The following TRDN variants were observed in gnomAD, a reference collection of about 807,000 sequenced individuals.
The protein encoded by TRDN is triadin in skeletal muscle.
TRDN carries 161 observed loss-of-function variants against 149.7 expected under a neutral mutation model. The ratio of observed to expected loss-of-function variants is 1.08; its 90% CI spans 0.95 to 1.23. The LOEUF (loss-of-function observed/expected upper bound fraction) is 1.23, where lower values mean the gene tolerates loss of function less well. Ranked by LOEUF, TRDN falls within the 50% of genes most tolerant of loss-of-function variation. The pLI is 0.00. For synonymous variants in TRDN, 294 were observed against 250.5 expected (o/e 1.17, Z -1.64); for missense variants, 896 against 823.5 (o/e 1.09, Z -1.08).
chr6:123,220,706 T>C (rs1362600815), intron 40 of TRDN, among the ~76,000 whole-genome samples: 1 of 151,758 alleles, frequency 6.6e-6, no homozygotes, highest in African/African-American at 2.4e-5. Context: ...AGGGGCACTT[T>C]AGTAATTTCC....
intron 1 of TRDN, among the ~76,000 whole-genome samples, chr6:123,594,682 C>A (rs1402151557): frequency 6.6e-6 from 1 of 151,534 alleles, no homozygotes; most frequent in East Asian, 1.9e-4. Context: ...AATCCACTAC[C>A]CTCAGAACCT....
intron 5 of TRDN, among the ~76,000 whole-genome samples, chr6:123,528,358 T>G (rs1027557674): frequency 3.3e-5 from 5 of 151,678 alleles, no homozygotes; most frequent in African/African-American, 1.2e-4. Context: ...TTCTAAAACC[T>G]TTCAGAATAT....
intron 21 of TRDN, 82 bp from the exon 22 acceptor site, chr6:123,337,751 C>T (rs1332606901): frequency 2.6e-6 from 2 of 772,218 alleles, no homozygotes; most frequent in African/African-American, 3.6e-5. Flanking sequence ...GTTTTGTATA[C>T]TGAGGCTTAA....
intron 12 of TRDN, among the ~76,000 whole-genome samples, chr6:123,432,993 G>A (rs1562310313): frequency 6.6e-6 from 1 of 151,376 alleles, no homozygotes; most frequent in South Asian, 2.1e-4. Context: ...TATTCCAAGA[G>A]CATCAACTAT....
chr6:123,488,261 AATGAG>A (rs1034436752), intron 9 of TRDN, among the ~76,000 whole-genome samples: 167 of 152,270 alleles, frequency 1.1e-3, no homozygotes, highest in African/African-American at 3.9e-3. Flanking sequence ...TGTGAGAATT[AATGAG>A]ATAAGTATGC....
chr6:123,520,909 GT>G (rs1223382188), intron 5 of TRDN, among the ~76,000 whole-genome samples: 1 of 152,140 alleles, frequency 6.6e-6, no homozygotes, highest in Admixed American at 6.6e-5. Flanking sequence ...AGTTAATGAA[GT>G]GCAGCTAAGA....
In TRDN at chr6:123,535,361, G is replaced by A. The variant is rs1000151127; in HGVS notation, c.425-4796C>T. 5.9e-5 allele frequency among the ~76,000 whole-genome samples: 9 copies of A among 152,222 alleles called. No individual in the cohort carries two copies. The East Asian group carries it at 9.7e-4, about 16-fold the overall frequency. ...GGCAAATTAATTTCAAAGAATGTAGGAAGTGTATTTCTACTTCTTTTACTA... is the reference window on the plus strand; with the variant it reads ...GGCAAATTAATTTCAAAGAATGTAGAAAGTGTATTTCTACTTCTTTTACTA... On this transcript the variant is annotated intron_variant, in intron 4 of 40. Transcript: ENST00000334268.
chr6:123,521,172 A>T (rs12202958), intron 5 of TRDN, among the ~76,000 whole-genome samples: 128,985 of 152,136 alleles, frequency 0.85, 54,767 homozygotes, highest in East Asian at 0.89. Flanking sequence ...TTTAAAAACA[A>T]TCCTTTGTTT....
chr6:123,395,978 G>T (rs1011731649), intron 12 of TRDN, among the ~76,000 whole-genome samples: 13 of 152,144 alleles, frequency 8.5e-5, no homozygotes, highest in Admixed American at 3.9e-4. Context: ...AAGTCTGCCA[G>T]CTTGCATCCA....
chr6:123,236,881 A>G (rs1377189995), intron 38 of TRDN, among the ~76,000 whole-genome samples: 1 of 146,626 alleles, frequency 6.8e-6, no homozygotes, highest in African/African-American at 2.8e-5. Flanking sequence ...GATTATTCCA[A>G]ATTTGTTCTT....
intron 24 of TRDN, 53 bp from the exon 25 acceptor site, chr6:123,279,135 AT>A: frequency 7.3e-7 from 1 of 1,377,742 alleles, no homozygotes; most frequent in Non-Finnish European, 1.0e-6. Context: ...TTCTTATTAA[AT>A]TAACATTATT....
At chr6:123,589,834 C>G (rs1452844490) in intron 1 of TRDN, among the ~76,000 whole-genome samples, 1 of 152,078 alleles carries the variant, frequency 6.6e-6, no homozygotes, top group African/African-American at 2.4e-5. Context: ...CCTCATATTG[C>G]CAATAGCTAC....
intron 1 of TRDN, among the ~76,000 whole-genome samples, chr6:123,631,841 C>T (rs970897915): frequency 6.6e-6 from 1 of 151,984 alleles, no homozygotes; most frequent in African/African-American, 2.4e-5. Context: ...ACCCACACCC[C>T]AACTACTTTC....
At chr6:123,220,454 A>G (rs1009658922) in intron 40 of TRDN, among the ~76,000 whole-genome samples, 1 of 151,820 alleles carries the variant, frequency 6.6e-6, no homozygotes, top group Non-Finnish European at 1.5e-5. Flanking sequence ...ATAAAATGAA[A>G]ATATGTCCAG....
intron 1 of TRDN, among the ~76,000 whole-genome samples, chr6:123,625,382 AG>A (rs1183732009): frequency 6.6e-6 from 1 of 152,158 alleles, no homozygotes; most frequent in African/African-American, 2.4e-5. Flanking sequence ...TGTATATAAA[AG>A]TTATGTCTGC....
chr6:123,633,662 C>G (rs184721000), intron 1 of TRDN, among the ~76,000 whole-genome samples: 1 of 152,090 alleles, frequency 6.6e-6, no homozygotes, highest in South Asian at 2.1e-4. Context: ...GGTGTTATTA[C>G]CCTAAAATCC....
chr6:123,364,597 G>A (rs775935477), intron 20 of TRDN, among the ~76,000 whole-genome samples: 4 of 152,168 alleles, frequency 2.6e-5, no homozygotes, highest in Admixed American at 6.5e-5. Context: ...GCAGTGAGCC[G>A]AGATCGTGCC....
At chr6:123,322,296 C>T (rs1225677071) in intron 23 of TRDN, among the ~76,000 whole-genome samples, 2 of 152,128 alleles carry the variant, frequency 1.3e-5, no homozygotes, top group Non-Finnish European at 2.9e-5. Context: ...GAAAAACAAA[C>T]AAACAGGCAA....
intron 9 of TRDN, among the ~76,000 whole-genome samples, chr6:123,466,977 A>G (rs1176705069): frequency 2.0e-5 from 3 of 152,020 alleles, no homozygotes; most frequent in Non-Finnish European, 4.4e-5. Flanking sequence ...TTTCCCTGTA[A>G]ATTTCACATA....
Sources: gnomAD v4.1 joint callset for allele counts (sites outside exome capture counted in the v4.1 genomes callset) on GRCh38, gnomAD v4.1.1 for gene constraint, MANE v1.5 for transcripts, NCBI Gene and HGNC (gene_info 2026-07-23, HGNC 2026-07-21) for gene names.